Variants in GALC observed in about 807,000 individuals in gnomAD.
GALC encodes the protein galactocerebrosidase.
In GALC, 77 loss-of-function variants were observed where a neutral mutation model predicts 91.8. The observed-to-expected ratio is 0.84, with a 90% confidence interval of 0.70 to 1.01. The LOEUF (loss-of-function observed/expected upper bound fraction) is 1.01, where lower values mean the gene tolerates loss of function less well. Ranked by LOEUF, GALC falls within the 50% of genes least tolerant of loss-of-function variation. The probability of loss-of-function intolerance (pLI) is 0.00; values close to 1 mark genes in which losing one functional copy is unlikely to be tolerated. For missense variants in GALC, 882 were observed against 855.9 expected, an observed-to-expected ratio of 1.03 and a Z score of -0.38; for synonymous variants, 357 against 306.7, an observed-to-expected ratio of 1.16 and a Z score of -1.71.
At chr14:87,936,035 C>T (rs1884553304) in intron 16 of GALC, among the ~76,000 whole-genome samples, 1 of 152,002 alleles carries the variant, frequency 6.6e-6, no homozygotes, top group Non-Finnish European at 1.5e-5. Context: ...TCACATTAAG[C>T]ACAAAACCTG....
At chr14:87,941,797 T>C (rs569132572) in intron 14 of GALC, among the ~76,000 whole-genome samples, 2 of 152,158 alleles carry the variant, frequency 1.3e-5, no homozygotes, top group South Asian at 2.1e-4. Context: ...ATAATAGTTA[T>C]GATTTTTAAG....
At chr14:87,953,452 G>A (rs1300142124) in intron 10 of GALC, 1 of 1,555,530 alleles carries the variant, frequency 6.4e-7, no homozygotes, top group Non-Finnish European at 8.8e-7. Context: ...TCCTAAAACA[G>A]AAAATAGCCA....
At chr14:87,986,031 T>C (rs1487311506) in intron 4 of GALC, among the ~76,000 whole-genome samples, 4 of 152,364 alleles carry the variant, frequency 2.6e-5, no homozygotes, top group African/African-American at 9.6e-5. Context: ...CACTACTACA[T>C]GCAATATACA....
chr14:87,934,073 A>G lies in GALC; in HGVS notation c.*659T>C, dbSNP rs762641947. 46 of 1,527,898 alleles carry G rather than the reference A, an allele frequency of 3.0e-5. No individual in the cohort carries two copies. Among genetic ancestry groups the G allele is most frequent in the Non-Finnish European group, 3.9e-5 (45 of 1,140,882 alleles). The allele number at this position is 1,527,898 out of a possible 1,614,324, so 94.6% of individuals were successfully genotyped here. On this transcript the variant is annotated 3_prime_UTR_variant, in exon 17 of 17. Coordinates refer to ENST00000261304, the MANE Select transcript of GALC (RefSeq NM_000153.4). ...GGAATCAAAAAAATTAAATAATGCA[A>G]ATAACCCAATTAATCTGCTAATATC...
chr14:87,939,604 AAG>A (rs1884745294), intron 16 of GALC, among the ~76,000 whole-genome samples: 6 of 151,876 alleles, frequency 4.0e-5, no homozygotes, highest in African/African-American at 1.4e-4. Context: ...GTCTTGGTTC[AAG>A]CAAACTTGAA....
At chr14:87,990,663 G>T (rs977463955) in intron 1 of GALC, among the ~76,000 whole-genome samples, 1 of 152,252 alleles carries the variant, frequency 6.6e-6, no homozygotes, top group South Asian at 2.1e-4. Context: ...TGCTGTCTAG[G>T]GTTTCTTTTG....
In GALC at chr14:87,933,695, CAT is replaced by C. The variant is rs1884454045; in HGVS notation, c.*1035_*1036del. 8.8e-6 allele frequency: 3 copies of C among 340,448 alleles called. No individual in the cohort carries two copies. The highest frequency in any genetic ancestry group is 1.6e-5 in the Non-Finnish European group (3 of 189,080). 21.1% of individuals were successfully genotyped at this position (340,448 alleles called of 1,614,324 possible). ...ACCTACATGAATAACTGATTTGCTA[CAT>C]AGAGCCACATTAATGCTTAGTATAA... On this transcript the variant is annotated 3_prime_UTR_variant, in exon 17 of 17. Coordinates refer to ENST00000261304, the MANE Select transcript of GALC (RefSeq NM_000153.4).
intron 3 of GALC, 58 bp downstream of exon 3, chr14:87,988,086 T>C (rs1482720303): frequency 2.3e-6 from 3 of 1,278,664 alleles, no homozygotes; most frequent in Non-Finnish European, 3.4e-6. Flanking sequence ...ACAGTCCATA[T>C]GCTGAGGTAT....
chr14:87,980,428 T>A (rs1886690402), intron 6 of GALC: 1 of 788,488 alleles, frequency 1.3e-6, no homozygotes, highest in South Asian at 5.9e-5. Flanking sequence ...AGCTTACTGA[T>A]GGGGGTCAGT....
At chr14:87,945,514 G>C in intron 14 of GALC, 39 bp downstream of exon 14, 5 of 1,403,312 alleles carry the variant, frequency 3.6e-6, no homozygotes, top group Non-Finnish European at 5.1e-6. Flanking sequence ...TATTACAAGG[G>C]TATTTCAGCC....
At chr14:87,984,565 G>A (rs1886892704) in intron 4 of GALC, 32 bp from the exon 5 acceptor site, 1 of 1,613,550 alleles carries the variant, frequency 6.2e-7, no homozygotes, top group African/African-American at 1.3e-5. Context: ...CAAAGGTAGA[G>A]GAGGTATAAC....
rs2044066 is a variant in GALC at position 87,984,919 on chromosome 14, C to A, written c.443-386G>T. 2.2e-3 allele frequency among the ~76,000 whole-genome samples: 316 copies of A among 143,982 alleles called. 8 individuals are homozygous for A. In the East Asian group the frequency reaches 0.061, roughly 28 times the overall value. 94.5% of individuals were successfully genotyped at this position (143,982 alleles called of 152,430 possible). A position where few individuals can be genotyped will look rare whatever the true frequency, so the allele number is the denominator to read the frequency against. On this transcript the variant is annotated intron_variant, in intron 4 of 16. Transcript: ENST00000261304. Reference sequence around the variant, plus strand: ...TTCTTTGAGGTCAAATCAAAGAATTCTAAAAGGCTTATGCCAAACTACTCT... The same window carrying A: ...TTCTTTGAGGTCAAATCAAAGAATTATAAAAGGCTTATGCCAAACTACTCT...
intron 1 of GALC, chr14:87,992,211 C>T: frequency 7.2e-7 from 1 of 1,383,316 alleles, no homozygotes; most frequent in Admixed American, 2.0e-5. Flanking sequence ...CCAACTCAAC[C>T]CCAAAAATCC....
intron 10 of GALC, chr14:87,955,075 G>A: frequency 1.5e-6 from 2 of 1,341,164 alleles, no homozygotes; most frequent in East Asian, 4.6e-5. Flanking sequence ...AGTCAGCGCA[G>A]AACCTTGTGT....
At chr14:87,938,439 T>G (rs1307071491) in intron 16 of GALC, among the ~76,000 whole-genome samples, 1 of 151,992 alleles carries the variant, frequency 6.6e-6, no homozygotes, top group Non-Finnish European at 1.5e-5. Flanking sequence ...GAACACCAAT[T>G]AAAAGCGTGA....
intron 13 of GALC, among the ~76,000 whole-genome samples, chr14:87,946,406 T>G (rs991227684): frequency 6.6e-6 from 1 of 152,058 alleles, no homozygotes; most frequent in African/African-American, 2.4e-5. Context: ...ACATATCTTA[T>G]AGCTCTTATA....
intron 6 of GALC, among the ~76,000 whole-genome samples, chr14:87,979,723 C>G (rs1886658064): frequency 6.6e-6 from 1 of 152,140 alleles, no homozygotes; most frequent in South Asian, 2.1e-4. Context: ...AAAACTTAAG[C>G]TTTGAAATGT....
chr14:87,973,379 TTATATA>T (rs67653995), intron 7 of GALC, among the ~76,000 whole-genome samples: 55,627 of 151,580 alleles, frequency 0.37, 10,835 homozygotes, highest in East Asian at 0.74. Context: ...AGTAATTAAA[TTATATA>T]TATAACTATT....
chr14:87,965,748 A>G, intron 8 of GALC, 119 bp from the exon 9 acceptor site: 1 of 983,066 alleles, frequency 1.0e-6, no homozygotes, highest in Non-Finnish European at 1.5e-6. Flanking sequence ...ATGACAATAA[A>G]AGGATCACCC....
Sources: gnomAD v4.1 joint callset for allele counts (sites outside exome capture counted in the v4.1 genomes callset) on GRCh38, gnomAD v4.1.1 for gene constraint, MANE v1.5 for transcripts, NCBI Gene and HGNC (gene_info 2026-07-23, HGNC 2026-07-21) for gene names.